ALMS1: variants seen among roughly 807,000 people sequenced by gnomAD.
The protein encoded by ALMS1 is ALMS1 centrosome and basal body associated protein, also known as centrosome-associated protein ALMS1.
Under a neutral mutation model 352.2 loss-of-function variants are expected in ALMS1, and 271 were observed. The ratio of observed to expected loss-of-function variants is 0.77; its 90% CI spans 0.70 to 0.85. The LOEUF is 0.85. Ranked by LOEUF, ALMS1 falls within the 40% of genes least tolerant of loss-of-function variation. The pLI is 0.00. For synonymous variants in ALMS1, 1,865 were observed against 1,761.2 expected (o/e 1.06, Z -1.48); for missense variants, 5,445 against 4,870.7 (o/e 1.12, Z -3.51).
chr2:73,487,603 GGGCATGTTTCA>G (rs1672879960), intron 9 of ALMS1, among the ~76,000 whole-genome samples: 1 of 152,128 alleles, frequency 6.6e-6, no homozygotes, highest in South Asian at 2.1e-4. Flanking sequence ...GGCGGGGAGG[GGGCATGTTTCA>G]GCCCTGTTTG....
chr2:73,420,148 A>G (rs76753166), intron 3 of ALMS1, among the ~76,000 whole-genome samples: 5,330 of 152,286 alleles, frequency 0.035, 324 homozygotes, highest in African/African-American at 0.12. Flanking sequence ...AAGGGCTGTT[A>G]TGCTAAAAAG....
chr2:73,386,299 C>G, intron 1 of ALMS1, 107 bp downstream of exon 1: 1 of 1,391,506 alleles, frequency 7.2e-7, no homozygotes. Flanking sequence ...GGAGAAAACG[C>G]GCGCAGCTGA....
chr2:73,422,633 C>T (rs904380187), intron 3 of ALMS1, among the ~76,000 whole-genome samples: 2 of 152,058 alleles, frequency 1.3e-5, no homozygotes, highest in African/African-American at 4.8e-5. Context: ...ACCTATCTTT[C>T]AAGGTTGTCA....
intron 1 of ALMS1, among the ~76,000 whole-genome samples, chr2:73,401,163 C>G (rs1670865100): frequency 6.6e-6 from 1 of 152,104 alleles, no homozygotes; most frequent in Admixed American, 6.6e-5. Flanking sequence ...TTTTATTGAT[C>G]TTTTCAAAAG....
intron 16 of ALMS1, among the ~76,000 whole-genome samples, chr2:73,584,979 AGT>A (rs1490693380): frequency 1.3e-5 from 2 of 152,224 alleles, no homozygotes; most frequent in African/African-American, 4.8e-5. Flanking sequence ...ATGGCTGAGT[AGT>A]ATTCCATGGT....
At chr2:73,425,001 C>A in intron 5 of ALMS1, 99 bp downstream of exon 5, 2 of 1,035,416 alleles carry the variant, frequency 1.9e-6, no homozygotes, top group Non-Finnish European at 2.8e-6. Context: ...TTCCTATGTG[C>A]CATGGAACAA....
rs536872371 is a variant in ALMS1 at position 73,548,195 on chromosome 2, A to G, written c.9908-2072A>G. 2.0e-5 allele frequency among the ~76,000 whole-genome samples: 3 copies of G among 152,346 alleles called. No homozygotes were observed. The South Asian group carries it at 6.2e-4, about 32-fold the overall frequency. On this transcript the variant is annotated intron_variant, in intron 12 of 22. Transcript: ENST00000613296. ...ACATGTTAAGGTAATAGTGCCACATATAAGGTGGCATTATTCACATTATAA... is the reference window on the plus strand; with the variant it reads ...ACATGTTAAGGTAATAGTGCCACATGTAAGGTGGCATTATTCACATTATAA...
chr2:73,585,697 G>A (rs1397259303), intron 16 of ALMS1, among the ~76,000 whole-genome samples: 1 of 143,158 alleles, frequency 7.0e-6, no homozygotes, highest in East Asian at 2.1e-4. Flanking sequence ...CCTGGCCGAT[G>A]ATGATCATTT....
At chr2:73,535,024 A>G (rs1573001154) in intron 12 of ALMS1, 75 bp downstream of exon 12, 2 of 1,575,274 alleles carry the variant, frequency 1.3e-6, no homozygotes, top group East Asian at 2.2e-5. Context: ...TTCTGGAGTG[A>G]CAAAAGTCCA....
intron 12 of ALMS1, among the ~76,000 whole-genome samples, chr2:73,546,773 AGCTTGAT>A (rs1439135973): frequency 1.3e-5 from 2 of 152,204 alleles, no homozygotes; most frequent in African/African-American, 4.8e-5. Flanking sequence ...AGCAGAAAAG[AGCTTGAT>A]GCATTTGACA....
At chr2:73,551,051 G>T (rs1287186882) in intron 13 of ALMS1, among the ~76,000 whole-genome samples, 2 of 151,890 alleles carry the variant, frequency 1.3e-5, no homozygotes, top group South Asian at 4.2e-4. Context: ...AGTGATGGGG[G>T]TCTCGCTATG....
chr2:73,489,527 T>C, intron 9 of ALMS1, 107 bp from the exon 10 acceptor site: 3 of 1,302,214 alleles, frequency 2.3e-6, no homozygotes, highest in Non-Finnish European at 1.1e-6. Context: ...GACATGACCT[T>C]CATGGTCTAA....
At chr2:73,431,619 C>A (rs1015754947) in intron 6 of ALMS1, among the ~76,000 whole-genome samples, 1 of 152,160 alleles carries the variant, frequency 6.6e-6, no homozygotes, top group Non-Finnish European at 1.5e-5. Flanking sequence ...TACTTCACTA[C>A]CAATTTATAG....
intron 21 of ALMS1, 45 bp from the exon 22 acceptor site, chr2:73,608,430 G>A: frequency 6.7e-7 from 1 of 1,499,502 alleles, no homozygotes; most frequent in Non-Finnish European, 9.3e-7. Context: ...TCTGCACCCT[G>A]GTAACCTCCC....
chr2:73,571,227 T>G (rs76535680), intron 15 of ALMS1, among the ~76,000 whole-genome samples: 2 of 152,316 alleles, frequency 1.3e-5, no homozygotes, highest in East Asian at 3.9e-4. Context: ...CAGTAATCTA[T>G]AGTGTGGGTG....
intron 10 of ALMS1, among the ~76,000 whole-genome samples, chr2:73,499,834 A>C (rs1222524914): frequency 3.3e-5 from 5 of 152,056 alleles, no homozygotes; most frequent in African/African-American, 1.2e-4. Flanking sequence ...AGTTCACCCA[A>C]GAGCTGGTTG....
chr2:73,477,654 A>G (rs914185507), intron 9 of ALMS1, among the ~76,000 whole-genome samples: 2 of 152,084 alleles, frequency 1.3e-5, no homozygotes, highest in Admixed American at 1.3e-4. Flanking sequence ...CTTCCATTTC[A>G]TTCTATGTTT....
chr2:73,543,119 T>C (rs60851141), intron 12 of ALMS1, among the ~76,000 whole-genome samples: 118 of 152,286 alleles, frequency 7.7e-4, no homozygotes, highest in East Asian at 2.5e-3. Context: ...CAAACTATAC[T>C]ACAAGGCTAC....
At chr2:73,526,975 C>T (rs1298523801) in intron 11 of ALMS1, among the ~76,000 whole-genome samples, 3 of 152,052 alleles carry the variant, frequency 2.0e-5, no homozygotes, top group African/African-American at 7.2e-5. Context: ...GGGTTTTTAT[C>T]ACGAAGAGAT....
Sources: allele counts gnomAD v4.1 joint callset (sites outside exome capture counted in the v4.1 genomes callset), GRCh38; gene constraint gnomAD v4.1.1; transcripts MANE v1.5; gene names NCBI Gene and HGNC (gene_info 2026-07-23, HGNC 2026-07-21).